The following CD96 variants were observed in gnomAD, a reference collection of about 807,000 sequenced individuals.
The protein encoded by CD96 is CD96 molecule.
A neutral mutation model predicts 71.3 loss-of-function variants in CD96; 70 were observed. That is an observed-to-expected ratio of 0.98 (90% confidence interval 0.81 to 1.20). The LOEUF is 1.20. Ranked by LOEUF, CD96 falls within the 50% of genes most tolerant of loss-of-function variation. CD96 has a pLI of 0.00. For missense variants in CD96, 742 were observed against 677.5 expected (o/e 1.10, Z -1.06); for synonymous variants, 248 against 233.0 (o/e 1.06, Z -0.59).
Position 111,630,438 on chromosome 3 carries a change from C to T in CD96, c.1321+6034C>T, listed in dbSNP as rs1283298570. 3.9e-5 allele frequency among the ~76,000 whole-genome samples: 6 copies of T among 152,116 alleles called. No individual in the cohort carries two copies. In the East Asian group the frequency reaches 9.6e-4, roughly 24 times the overall value. The stretch of plus-strand genomic sequence containing the variant: ...ATAGATAAGTTCCTGGGCATATACA[C>T]CCTCCAAAGACTGAACCAGGAAGAA... On this transcript the variant is annotated intron_variant, in intron 10 of 13. Coordinates refer to ENST00000352690, the MANE Select transcript of CD96 (RefSeq NM_005816.5).
chr3:111,571,060 G>A, intron 3 of CD96: 3 of 1,037,340 alleles, frequency 2.9e-6, no homozygotes, highest in South Asian at 1.3e-5. Flanking sequence ...TCCAGGCTGT[G>A]GGGTAGGAGG....
Position 111,618,904 on chromosome 3 carries a change from A to G in CD96, c.1181-4850A>G, listed in dbSNP as rs937797845. Among the ~76,000 whole-genome samples the G allele has an allele frequency of 1.6e-4, 25 of 152,078 alleles. No homozygotes were observed. The South Asian group carries it at 2.1e-3, about 13-fold the overall frequency. ...TTTTTAAGTTACCAGCTTATTCTTT[A>G]TGCTCCACTTATGCTACTTTGCAAC... is the stretch of plus-strand genomic sequence containing the variant. On this transcript the variant is annotated intron_variant, in intron 8 of 13. Coordinates refer to ENST00000352690, the MANE Select transcript of CD96 (RefSeq NM_005816.5).
chr3:111,661,345 C>T (rs951938587), intron 14 of CD96, among the ~76,000 whole-genome samples: 16 of 152,280 alleles, frequency 1.1e-4, no homozygotes, highest in African/African-American at 3.9e-4. Context: ...TCATTCCACT[C>T]GGGTCCTTCC....
At position 111,606,784 on chromosome 3, in the gene CD96, C is replaced by T; in HGVS notation, c.1172C>T (p.Ser391Phe). Reference protein sequence around the residue: ...DTQPSPASSVSPARYPATSSV... With the variant: ...DTQPSPASSVFPARYPATSSV... The stretch of plus-strand genomic sequence containing the variant: ...CAACCTTCTCCAGCCAGCAGTGTAT[C>T]TCCTGCAAGTAAGAATGTTTTCACA... The change falls in exon 8 of 14, where the codon TCT becomes TTT. Residue 391 changes from serine (S) to phenylalanine (F), a missense_variant. Coordinates refer to ENST00000352690, the MANE Select transcript of CD96 (RefSeq NM_005816.5). 6.4e-7 allele frequency: 1 copy of T among 1,556,714 alleles called. No individual in the cohort carries two copies. The highest frequency in any genetic ancestry group is 8.9e-7 in the Non-Finnish European group (1 of 1,127,642).
chr3:111,585,295 CACTA>C (rs747571987), intron 4 of CD96, 24 bp from the exon 5 acceptor site: 37 of 1,521,110 alleles, frequency 2.4e-5, no homozygotes, highest in Non-Finnish European at 2.8e-5. Context: ...CATTTGGTGC[CACTA>C]ACTATGTTTT....
At chr3:111,603,132 G>GA (rs1202701732) in intron 7 of CD96, among the ~76,000 whole-genome samples, 2 of 151,674 alleles carry the variant, frequency 1.3e-5, no homozygotes, top group East Asian at 1.9e-4. Context: ...CTACCACTAA[G>GA]AAAAAAAAGC....
At chr3:111,665,195 A>ATGTG (rs141294278) in intron 14 of CD96, among the ~76,000 whole-genome samples, 3 of 134,610 alleles carry the variant, frequency 2.2e-5, no homozygotes, top group Non-Finnish European at 3.3e-5. Context: ...GTGTGTGTGT[A>ATGTG]TGTGTGTGTG....
chr3:111,547,505 G>A (rs773984102), intron 2 of CD96, among the ~76,000 whole-genome samples: 1 of 152,036 alleles, frequency 6.6e-6, no homozygotes, highest in African/African-American at 2.4e-5. Flanking sequence ...TTGGCAACAT[G>A]GACTGATGTA....
rs1037498752 is a variant in CD96, at chr3:111,562,180, A to C, written c.419-5343A>C. On this transcript the variant is annotated intron_variant, in intron 2 of 13. Coordinates refer to ENST00000352690, the MANE Select transcript of CD96 (RefSeq NM_005816.5). ...AAATCACCGGTCTTCTGCGTCGCTC[A>C]CGTTGGGAGCTGTAGACCGGAGCTG... Among the ~76,000 whole-genome samples, 10 of 152,216 alleles carry C rather than the reference A, an allele frequency of 6.6e-5. No individual in the cohort carries two copies. The East Asian group carries it at 1.9e-3, about 30-fold the overall frequency.
intron 5 of CD96, among the ~76,000 whole-genome samples, 161 bp from the exon 6 acceptor site, chr3:111,597,959 C>T (rs1559746676): frequency 2.6e-5 from 4 of 152,146 alleles, no homozygotes; most frequent in African/African-American, 7.2e-5. Context: ...TTATAGTGCA[C>T]GTTCTAACAC....
At chr3:111,644,218 G>T (rs1231065892) in intron 12 of CD96, among the ~76,000 whole-genome samples, 1 of 152,146 alleles carries the variant, frequency 6.6e-6, no homozygotes, top group African/African-American at 2.4e-5. Flanking sequence ...ATAAAGTGGG[G>T]AAAGGACACC....
chr3:111,604,962 T>C (rs1937584249), intron 7 of CD96, among the ~76,000 whole-genome samples: 1 of 152,224 alleles, frequency 6.6e-6, no homozygotes, highest in Admixed American at 6.5e-5. Flanking sequence ...ACCTCTATTT[T>C]AATCAATATA....
chr3:111,580,308 T>G (rs1293991908), intron 4 of CD96, among the ~76,000 whole-genome samples: 1 of 152,200 alleles, frequency 6.6e-6, no homozygotes, highest in Non-Finnish European at 1.5e-5. Context: ...TTTTCCCCAG[T>G]GGTACAAGGA....
intron 4 of CD96, among the ~76,000 whole-genome samples, chr3:111,582,003 G>T (rs1334560321): frequency 6.6e-6 from 1 of 152,200 alleles, no homozygotes; most frequent in Non-Finnish European, 1.5e-5. Context: ...CTTACTGGGA[G>T]ACAGCATAGA....
intron 14 of CD96, among the ~76,000 whole-genome samples, chr3:111,660,273 G>A (rs1398992354): frequency 6.6e-6 from 1 of 152,094 alleles, no homozygotes; most frequent in Admixed American, 6.5e-5. Flanking sequence ...CAATAGCTAT[G>A]AAGAAAACAA....
intron 7 of CD96, among the ~76,000 whole-genome samples, chr3:111,603,938 T>C (rs1207690948): frequency 2.0e-5 from 3 of 152,204 alleles, no homozygotes; most frequent in Admixed American, 2.0e-4. Flanking sequence ...AGAGTATCAG[T>C]TGAGAACTTT....
chr3:111,585,340 G>T lies in CD96; in HGVS notation c.769G>T (p.Val257Leu), dbSNP rs928624212. ...CCTTTAAGCTAAACCAGAAATCCCT[G>T]TGATTGTGGAAAATAACTCCACGGA... ...VKVFAKPEIP[V>L]IVENNSTDVL... The change falls in exon 5 of 14, where the codon GTG (valine) becomes TTG (leucine). Residue 257 changes from valine to leucine, a missense_variant. By Grantham distance (32) the Val-to-Leu change is conservative. Transcript: ENST00000352690. 1 of 1,611,476 alleles carries T rather than the reference G, an allele frequency of 6.2e-7. No homozygotes were observed. The highest frequency in any genetic ancestry group is 1.7e-5 in the Admixed American group (1 of 60,010).
At chr3:111,609,355 A>G (rs766833648) in intron 8 of CD96, among the ~76,000 whole-genome samples, 2 of 152,228 alleles carry the variant, frequency 1.3e-5, no homozygotes, top group Non-Finnish European at 1.5e-5. Context: ...TTTTAGAAAG[A>G]AAGTGGTATT....
intron 5 of CD96, among the ~76,000 whole-genome samples, chr3:111,589,171 C>T (rs965848427): frequency 5.3e-5 from 8 of 151,798 alleles, no homozygotes; most frequent in Non-Finnish European, 8.8e-5. Context: ...AGGGTGGTCT[C>T]AATGCCCTGA....
Sources: gnomAD v4.1 joint callset for allele counts (sites outside exome capture counted in the v4.1 genomes callset) on GRCh38, gnomAD v4.1.1 for gene constraint, MANE v1.5 for transcripts, NCBI Gene and HGNC (gene_info 2026-07-23, HGNC 2026-07-21) for gene names.